LRRC40: variants seen among roughly 807,000 people sequenced by gnomAD.
The protein encoded by LRRC40 is leucine-rich repeat-containing protein 40.
Under a neutral mutation model 72.8 loss-of-function variants are expected in LRRC40, and 76 were observed. The observed-to-expected ratio is 1.04, with a 90% CI of 0.87 to 1.26. The LOEUF (loss-of-function observed/expected upper bound fraction) is 1.26, where lower values mean the gene tolerates loss of function less well. Ranked by LOEUF, LRRC40 falls within the 50% of genes most tolerant of loss-of-function variation. The pLI, the probability that LRRC40 is intolerant of heterozygous loss-of-function variation, is 0.00. For synonymous variants in LRRC40, 243 were observed against 254.2 expected, an observed-to-expected ratio of 0.96 and a Z score of 0.42; for missense variants, 684 against 698.9, an observed-to-expected ratio of 0.98 and a Z score of 0.24.
Position 70,179,038 on chromosome 1 carries a change from T to A in LRRC40, c.662-45A>T, listed in dbSNP as rs377143290. 1,089 of 1,266,332 alleles carry A rather than the reference T, an allele frequency of 8.6e-4. 4 individuals are homozygous for A. In the African/African-American group the frequency reaches 0.014, roughly 17 times the overall value. The allele number at this position is 1,266,332 out of a possible 1,614,324, so 78.4% of individuals were successfully genotyped here. A position where few individuals can be genotyped will look rare whatever the true frequency, so the allele number is the denominator to read the frequency against. ...AAAAACAAAAATAGAGAAAAAAAAA[T>A]TAGTTTCTGATCGTATACAACTTTA... On this transcript the variant is annotated intron_variant, in intron 5 of 14. Coordinates refer to ENST00000370952, the MANE Select transcript of LRRC40 (RefSeq NM_017768.5).
intron 1 of LRRC40, among the ~76,000 whole-genome samples, chr1:70,203,773 G>A (rs77454434): frequency 2.0e-5 from 3 of 152,168 alleles, no homozygotes; most frequent in East Asian, 1.9e-4. Flanking sequence ...TAAGAAGCAC[G>A]ACCCCGTAAC....
chr1:70,201,180 A>T (rs1300268654), intron 1 of LRRC40, among the ~76,000 whole-genome samples: 1 of 152,158 alleles, frequency 6.6e-6, no homozygotes, highest in South Asian at 2.1e-4. Context: ...AAAAACAAAA[A>T]ACAACTAAAT....
intron 9 of LRRC40, among the ~76,000 whole-genome samples, chr1:70,160,875 A>C (rs1455641840): frequency 1.3e-5 from 2 of 152,104 alleles, no homozygotes; most frequent in Admixed American, 1.3e-4. Context: ...CAAAATTTCA[A>C]ATTGAAAGGG....
intron 11 of LRRC40, among the ~76,000 whole-genome samples, chr1:70,152,795 A>G (rs185055986): frequency 1.1e-3 from 172 of 152,306 alleles, no homozygotes; most frequent in Non-Finnish European, 2.0e-3. Context: ...AGTTTCACTT[A>G]AAAAACTATT....
intron 3 of LRRC40, among the ~76,000 whole-genome samples, chr1:70,185,566 G>A (rs989791034): frequency 6.6e-6 from 1 of 152,080 alleles, no homozygotes; most frequent in East Asian, 1.9e-4. Context: ...TCCCAGTCTC[G>A]GGTATGTCTT....
chr1:70,193,642 A>C (rs754364650), intron 1 of LRRC40, among the ~76,000 whole-genome samples: 11 of 152,116 alleles, frequency 7.2e-5, no homozygotes, highest in Non-Finnish European at 1.3e-4. Context: ...AAAAGCAGAT[A>C]AATACATTAA....
At chr1:70,183,339 T>C (rs964231340) in intron 4 of LRRC40, among the ~76,000 whole-genome samples, 50 of 152,230 alleles carry the variant, frequency 3.3e-4, no homozygotes, top group Non-Finnish European at 1.3e-4. Context: ...TACCTTCGAT[T>C]TAATACAGCT....
At chr1:70,166,999 A>G (rs374640071) in intron 9 of LRRC40, among the ~76,000 whole-genome samples, 1 of 152,166 alleles carries the variant, frequency 6.6e-6, no homozygotes, top group African/African-American at 2.4e-5. Context: ...AAAACTGAGA[A>G]GAAGGCAAAG....
At position 70,152,928 on chromosome 1, in the gene LRRC40, T is replaced by C. The variant is rs1336640651; in HGVS notation, c.1329-385A>G. On this transcript the variant is annotated intron_variant, in intron 11 of 14. Transcript: ENST00000370952. Reference sequence around the variant, plus strand: ...ATTGTTAAACAGACATCCTGTAACATAGTAGTTTTCTACTACATAAGTAGT... The same window carrying C: ...ATTGTTAAACAGACATCCTGTAACACAGTAGTTTTCTACTACATAAGTAGT... 3.3e-5 allele frequency among the ~76,000 whole-genome samples: 5 copies of C among 152,352 alleles called. No homozygotes were observed. In the East Asian group the frequency reaches 9.6e-4, roughly 29 times the overall value.
At chr1:70,163,361 A>G (rs748493696) in intron 9 of LRRC40, among the ~76,000 whole-genome samples, 5 of 152,150 alleles carry the variant, frequency 3.3e-5, no homozygotes, top group Non-Finnish European at 5.9e-5. Context: ...TGCTGGGATT[A>G]CAGTCGTAAG....
At chr1:70,165,203 T>C (rs188444125) in intron 9 of LRRC40, among the ~76,000 whole-genome samples, 255 of 152,326 alleles carry the variant, frequency 1.7e-3, no homozygotes, top group African/African-American at 5.9e-3. Context: ...AGAGTTATAT[T>C]TGTAGGATAT....
chr1:70,145,645 C>A lies in LRRC40; in HGVS notation c.*155G>T. ...AATATTTACTGGCAGTGAATATGGC[C>A]CAGGCTAATTATACCAACAGGTAGG... On this transcript the variant is annotated 3_prime_UTR_variant, in exon 15 of 15. Transcript: ENST00000370952. 3 of 459,586 alleles carry A rather than the reference C, an allele frequency of 6.5e-6. No homozygotes were observed. The highest frequency in any genetic ancestry group is 1.2e-5 in the Non-Finnish European group (3 of 257,220). The allele number at this position is 459,586 out of a possible 1,614,324, so 28.5% of individuals were successfully genotyped here.
intron 9 of LRRC40, among the ~76,000 whole-genome samples, chr1:70,167,983 G>C (rs566159400): frequency 6.6e-6 from 1 of 152,164 alleles, no homozygotes; most frequent in East Asian, 1.9e-4. Flanking sequence ...TGGAAATTTT[G>C]TAAGAGGTGA....
At chr1:70,175,041 A>C (rs1289582693) in intron 7 of LRRC40, among the ~76,000 whole-genome samples, 2 of 152,224 alleles carry the variant, frequency 1.3e-5, no homozygotes, top group Non-Finnish European at 1.5e-5. Flanking sequence ...ACAGGGGAGA[A>C]GGGAGTAGCA....
At chr1:70,204,856 ACT>A (rs1668878081) in intron 1 of LRRC40, among the ~76,000 whole-genome samples, 3 of 151,878 alleles carry the variant, frequency 2.0e-5, no homozygotes, top group Admixed American at 2.0e-4. Flanking sequence ...ACATTCAAAC[ACT>A]CTGTGTGGCA....
In LRRC40 at chr1:70,189,990, A is replaced by G. The variant is rs532944753; in HGVS notation, c.152-717T>C. The stretch of plus-strand genomic sequence containing the variant: ...GACATACAATTTTATTTCTTATGGC[A>G]CCATACAACACTGTGTTATGCTATT... On this transcript the variant is annotated intron_variant, in intron 1 of 14. Transcript: ENST00000370952. 9.2e-5 allele frequency among the ~76,000 whole-genome samples: 14 copies of G among 152,300 alleles called. No individual in the cohort carries two copies. In the South Asian group the frequency reaches 2.9e-3, roughly 32 times the overall value.
At chr1:70,204,919 G>C (rs1267127894) in intron 1 of LRRC40, among the ~76,000 whole-genome samples, 1 of 152,138 alleles carries the variant, frequency 6.6e-6, no homozygotes, top group Non-Finnish European at 1.5e-5. Context: ...CTTGTAAGTA[G>C]AACTCTGCAC....
chr1:70,181,588 T>A (rs1668247461), intron 4 of LRRC40, among the ~76,000 whole-genome samples: 1 of 152,032 alleles, frequency 6.6e-6, no homozygotes, highest in Admixed American at 6.5e-5. Context: ...TTAGGCATAT[T>A]ATTAATAAAC....
chr1:70,169,141 G>A (rs1667949323), intron 9 of LRRC40, among the ~76,000 whole-genome samples: 1 of 152,094 alleles, frequency 6.6e-6, no homozygotes, highest in African/African-American at 2.4e-5. Context: ...ACAACTTGCT[G>A]GCACAACATC....
Sources: allele counts gnomAD v4.1 joint callset (sites outside exome capture counted in the v4.1 genomes callset), GRCh38; gene constraint gnomAD v4.1.1; transcripts MANE v1.5; gene names NCBI Gene and HGNC (gene_info 2026-07-23, HGNC 2026-07-21).